Variants in EGFR observed in about 807,000 individuals in gnomAD.
EGFR encodes the protein epidermal growth factor receptor.
In EGFR, 58 loss-of-function variants were observed where a neutral mutation model predicts 143.0. The observed-to-expected ratio is 0.41, with a 90% CI of 0.33 to 0.50. The LOEUF (loss-of-function observed/expected upper bound fraction) is 0.50, where lower values mean the gene tolerates loss of function less well. EGFR is among the 20% of genes least tolerant of loss of function. The pLI is 0.39. For synonymous variants in EGFR, 613 were observed against 594.4 expected, an observed-to-expected ratio of 1.03 and a Z score of -0.45; for missense variants, 1,307 against 1,579.0, an observed-to-expected ratio of 0.83 and a Z score of 2.92.
chr7:55,165,296 T>C lies in EGFR; in HGVS notation c.1739T>C (p.Ile580Thr), dbSNP rs761585117. The change falls in exon 15 of 28, where the codon ATC becomes ACC. Residue 580 changes from isoleucine (I) to threonine (T), a missense_variant. Ile to Thr is a moderately conservative substitution (Grantham distance 89, BLOSUM62 -1). Coordinates refer to ENST00000275493, the MANE Select transcript of EGFR (RefSeq NM_005228.5). ...TCTGRGPDNCIQCAHYIDGPH... is the reference protein window; with the variant it reads ...TCTGRGPDNCTQCAHYIDGPH... ...TTGGTGCAGGGACCAGACAACTGTATCCAGTGTGCCCACTACATTGACGGC... is the reference window on the plus strand; with the variant it reads ...TTGGTGCAGGGACCAGACAACTGTACCCAGTGTGCCCACTACATTGACGGC... The C allele has an allele frequency of 1.5e-5, 25 of 1,614,056 alleles. No individual in the cohort carries two copies. In the Admixed American group the frequency reaches 3.5e-4, roughly 23 times the overall value.
intron 4 of EGFR, among the ~76,000 whole-genome samples, chr7:55,149,558 C>T (rs538058976): frequency 4.3e-4 from 66 of 152,276 alleles, no homozygotes; most frequent in African/African-American, 1.5e-3. Flanking sequence ...GAAATTCTCA[C>T]GTTCTGCTTG....
intron 15 of EGFR, chr7:55,170,285 G>A (rs1481837428): frequency 3.1e-6 from 5 of 1,614,072 alleles, no homozygotes; most frequent in Admixed American, 3.3e-5. Context: ...ATATTGAAAT[G>A]TACTTGTCCA....
intron 1 of EGFR, among the ~76,000 whole-genome samples, chr7:55,123,481 C>T (rs943075056): frequency 1.3e-5 from 2 of 152,086 alleles, no homozygotes; most frequent in South Asian, 2.1e-4. Context: ...TTTCTCCTTT[C>T]TGGTCTTCCT....
chr7:55,134,586 G>C (rs1254437729), intron 1 of EGFR, among the ~76,000 whole-genome samples: 2 of 152,242 alleles, frequency 1.3e-5, no homozygotes, highest in Non-Finnish European at 2.9e-5. Context: ...ATACATAACA[G>C]ATCAACGGGT....
Position 55,019,323 on chromosome 7 carries a change from G to T in EGFR, c.46G>T (p.Ala16Ser), listed in dbSNP as rs2128853424. The T allele has an allele frequency of 6.6e-7, 1 of 1,522,454 alleles. No individual in the cohort carries two copies. Among genetic ancestry groups the T allele is most frequent in the South Asian group, 1.2e-5 (1 of 84,130 alleles). The allele number at this position is 1,522,454 out of a possible 1,614,324, so 94.3% of individuals were successfully genotyped here. A position where few individuals can be genotyped will look rare whatever the true frequency, so the allele number is the denominator to read the frequency against. ...TAGAALLALL[A>S]ALCPASRALE... ...CGGGGCAGCGCTCCTGGCGCTGCTG[G>T]CTGCGCTCTGCCCGGCGAGTCGGGC... Residue 16 changes from alanine (A) to serine (S), a missense_variant, in exon 1 of 28, where the codon GCT becomes TCT. By Grantham distance (99) the Ala-to-Ser change is moderately conservative. Around this residue, in one of 7 missense-constraint regions of EGFR, gnomAD observed 65 missense variants for 37.8 expected, o/e 1.72. Coordinates refer to ENST00000275493, the MANE Select transcript of EGFR (RefSeq NM_005228.5).
chr7:55,020,466 C>A (rs1418376481), intron 1 of EGFR, among the ~76,000 whole-genome samples: 3 of 152,244 alleles, frequency 2.0e-5, no homozygotes, highest in Admixed American at 2.0e-4. Flanking sequence ...GGGCTCACAG[C>A]AAACTTCTCC....
chr7:55,116,406 A>G (rs1452422637), intron 1 of EGFR, among the ~76,000 whole-genome samples: 2 of 151,922 alleles, frequency 1.3e-5, no homozygotes, highest in Non-Finnish European at 2.9e-5. Flanking sequence ...CCTCACCACA[A>G]CTCCCTTCTA....
Position 55,161,646 on chromosome 7 carries a change from C to A in EGFR, c.1631+15C>A, listed in dbSNP as rs753761347. ...CTTCTGGAGGGGTAGGAGGTTATTTCTTTAATCCCCTTGCGTTGATCAAAA... is the reference window on the plus strand; with the variant it reads ...CTTCTGGAGGGGTAGGAGGTTATTTATTTAATCCCCTTGCGTTGATCAAAA... On this transcript the variant is annotated intron_variant, in intron 13 of 27. Coordinates refer to ENST00000275493, the MANE Select transcript of EGFR (RefSeq NM_005228.5). 5 of 1,614,210 alleles carry A rather than the reference C, an allele frequency of 3.1e-6. No homozygotes were observed. Among genetic ancestry groups the A allele is most frequent in the Admixed American group, 3.3e-5 (2 of 60,036 alleles).
Position 55,170,366 on chromosome 7 carries a change from A to C in EGFR, c.1881-809A>C, listed in dbSNP as rs774771530. On this transcript the variant is annotated intron_variant, in intron 15 of 27. Transcript: ENST00000275493. Reference sequence around the variant, plus strand: ...TGCCTTTTTAAACTATCATCCTGTAATCAAAGTAATGATGGCAGCGTGTCC... The same window carrying C: ...TGCCTTTTTAAACTATCATCCTGTACTCAAAGTAATGATGGCAGCGTGTCC... The C allele has an allele frequency of 5.0e-6, 8 of 1,614,192 alleles. No individual in the cohort carries two copies. The South Asian group carries it at 8.8e-5, about 18-fold the overall frequency.
chr7:55,042,198 A>G (rs986517154), intron 1 of EGFR, among the ~76,000 whole-genome samples: 8 of 152,224 alleles, frequency 5.3e-5, no homozygotes, highest in Non-Finnish European at 1.2e-4. Context: ...AAAGAAAAAT[A>G]AGTTTGACTT....
chr7:55,085,174 T>C (rs1790683211), intron 1 of EGFR, among the ~76,000 whole-genome samples: 1 of 152,196 alleles, frequency 6.6e-6, no homozygotes, highest in African/African-American at 2.4e-5. Context: ...GTCACAGGCA[T>C]GTTGTGTTTA....
intron 1 of EGFR, among the ~76,000 whole-genome samples, chr7:55,125,698 G>A (rs189116881): frequency 3.6e-4 from 55 of 152,310 alleles, no homozygotes; most frequent in African/African-American, 1.2e-3. Context: ...GTCTTGCAGC[G>A]TCACAGCCAG....
chr7:55,166,214 T>A (rs1009889908), intron 15 of EGFR: 1 of 530,380 alleles, frequency 1.9e-6, no homozygotes, highest in East Asian at 3.8e-5. Flanking sequence ...TCTGATTGTG[T>A]GTATCTTATT....
intron 15 of EGFR, chr7:55,170,593 C>A (rs780086345): frequency 1.9e-6 from 3 of 1,608,530 alleles, no homozygotes; most frequent in African/African-American, 2.7e-5. Context: ...TTTCTGCCAC[C>A]CCTGCACGTG....
chr7:55,071,337 CA>C (rs1259844069), intron 1 of EGFR, among the ~76,000 whole-genome samples: 1 of 152,210 alleles, frequency 6.6e-6, no homozygotes, highest in Non-Finnish European at 1.5e-5. Context: ...AGAAAAGAAG[CA>C]AGCATTTTGA....
Position 55,152,674 on chromosome 7 carries a change from C to T in EGFR, c.747+10C>T, listed in dbSNP as rs2128933929. 1 of 1,611,954 alleles carries T rather than the reference C, an allele frequency of 6.2e-7. No homozygotes were observed. The highest frequency in any genetic ancestry group is 8.5e-7 in the Non-Finnish European group (1 of 1,178,788). ...GGAGAGCGACTGCCTGGTAAGATGC[C>T]CCTCCAGCAGCCTCCCTGGAGCAGG... On this transcript the variant is annotated intron_variant, in intron 6 of 27. Coordinates refer to ENST00000275493, the MANE Select transcript of EGFR (RefSeq NM_005228.5).
chr7:55,198,984 C>A, intron 23 of EGFR, 121 bp downstream of exon 23: 1 of 1,321,060 alleles, frequency 7.6e-7, no homozygotes, highest in Non-Finnish European at 1.1e-6. Flanking sequence ...GGCAGGCACA[C>A]AAATCCAGAA....
At chr7:55,048,746 G>T (rs192693590) in intron 1 of EGFR, among the ~76,000 whole-genome samples, 2 of 152,258 alleles carry the variant, frequency 1.3e-5, no homozygotes, top group African/African-American at 4.8e-5. Context: ...GGTGTTCATT[G>T]CTCTTGTATG....
At chr7:55,157,234 C>T (rs1430616638) in intron 10 of EGFR, among the ~76,000 whole-genome samples, 1 of 152,254 alleles carries the variant, frequency 6.6e-6, no homozygotes, top group Non-Finnish European at 1.5e-5. Context: ...GCTCCGCTTC[C>T]TTCCTCTCTA....
Sources: allele counts gnomAD v4.1 joint callset (sites outside exome capture counted in the v4.1 genomes callset), GRCh38; gene constraint gnomAD v4.1.1; regional missense constraint gnomAD v4.1.1; transcripts MANE v1.5; gene names NCBI Gene and HGNC (gene_info 2026-07-23, HGNC 2026-07-21).